The following ZDHHC2 variants were observed in gnomAD, a reference collection of about 807,000 sequenced individuals.
ZDHHC2 encodes zDHHC palmitoyltransferase 2.
ZDHHC2 carries 51 observed loss-of-function variants against 55.6 expected under a neutral mutation model. The observed-to-expected ratio is 0.92, with a 90% CI of 0.73 to 1.16. The LOEUF is 1.16. ZDHHC2 is among the 50% of genes most tolerant of loss of function. The pLI, the probability that ZDHHC2 is intolerant of heterozygous loss-of-function variation, is 0.00. For synonymous variants in ZDHHC2, 199 were observed against 152.9 expected (o/e 1.30, Z -2.22); for missense variants, 491 against 442.4 (o/e 1.11, Z -0.99).
chr8:17,195,426 T>C, intron 3 of ZDHHC2, 78 bp from the exon 4 acceptor site: 2 of 1,451,426 alleles, frequency 1.4e-6, no homozygotes, highest in South Asian at 1.3e-5. Context: ...TAAATACCCT[T>C]TTCCGGGTAT....
intron 3 of ZDHHC2, among the ~76,000 whole-genome samples, chr8:17,192,137 C>G (rs1414446297): frequency 2.0e-5 from 3 of 152,110 alleles, no homozygotes; most frequent in Non-Finnish European, 4.4e-5. Context: ...GCATGCATCA[C>G]CACGCCTATC....
In ZDHHC2 at chr8:17,197,591, A is replaced by G. The variant is rs749212242; in HGVS notation, c.383A>G (p.Tyr128Cys). 8.1e-6 allele frequency: 13 copies of G among 1,613,700 alleles called. No homozygotes were observed. The highest frequency in any genetic ancestry group is 1.3e-5 in the African/African-American group (1 of 75,040). The change falls in exon 5 of 13, where the codon TAC becomes TGC. Residue 128 changes from tyrosine to cysteine, a missense_variant. Physicochemically the swap from Tyr to Cys is radical, Grantham distance 194. Coordinates refer to ENST00000262096, the MANE Select transcript of ZDHHC2 (RefSeq NM_016353.5). ...AGCTTTTTGTCCCTAGCCATCCGAT[A>G]CTGTGACAGATGCCAACTTATAAAA... ...YTRTMSGAIRYCDRCQLIKPD... is the reference protein window; with the variant it reads ...YTRTMSGAIRCCDRCQLIKPD...
chr8:17,206,042 T>C (rs966907269), intron 7 of ZDHHC2, among the ~76,000 whole-genome samples: 18 of 152,142 alleles, frequency 1.2e-4, no homozygotes, highest in Admixed American at 2.6e-4. Flanking sequence ...CCAGTTGAGG[T>C]TGAACAAGAC....
intron 6 of ZDHHC2, among the ~76,000 whole-genome samples, chr8:17,204,667 G>A (rs184881541): frequency 7.2e-5 from 11 of 152,250 alleles, no homozygotes; most frequent in Admixed American, 5.9e-4. Flanking sequence ...GGAGGGAGGA[G>A]GGTGGGAGGA....
intron 2 of ZDHHC2, among the ~76,000 whole-genome samples, chr8:17,185,421 C>T (rs1443593452): frequency 2.0e-5 from 3 of 151,940 alleles, no homozygotes; most frequent in African/African-American, 7.3e-5. Context: ...CCTTGGGAGG[C>T]CAAAGCGGGC....
intron 2 of ZDHHC2, among the ~76,000 whole-genome samples, chr8:17,185,148 C>T (rs1377084079): frequency 6.6e-6 from 1 of 152,206 alleles, no homozygotes; most frequent in Non-Finnish European, 1.5e-5. Context: ...AGTCATCTCA[C>T]ACCGATTTAA....
At chr8:17,198,770 T>C (rs922884542) in intron 6 of ZDHHC2, among the ~76,000 whole-genome samples, 1 of 152,242 alleles carries the variant, frequency 6.6e-6, no homozygotes, top group Non-Finnish European at 1.5e-5. Context: ...GGAAGGTTTT[T>C]ATAAAGAATT....
In ZDHHC2 at chr8:17,194,562, A is replaced by G. The variant is rs538363750; in HGVS notation, c.253-942A>G. On this transcript the variant is annotated intron_variant, in intron 3 of 12. Transcript: ENST00000262096. ...TCTTTCTTCTTTATAATTTTATCAC[A>G]TGTGCATGTATCTCTCAACAACAGT... 3.8e-4 allele frequency among the ~76,000 whole-genome samples: 58 copies of G among 151,942 alleles called. No homozygotes were observed. In the Middle Eastern group the frequency reaches 0.02, roughly 53 times the overall value.
rs190203871 is a variant in ZDHHC2, at chr8:17,205,845, A to T, written c.597+70A>T. 8.2e-5 allele frequency: 117 copies of T among 1,427,280 alleles called. No homozygotes were observed. In the East Asian group the frequency reaches 2.9e-3, roughly 35 times the overall value. 88.4% of individuals were successfully genotyped at this position (1,427,280 alleles called of 1,614,324 possible). A position where few individuals can be genotyped will look rare whatever the true frequency, so the allele number is the denominator to read the frequency against. On this transcript the variant is annotated intron_variant, in intron 7 of 12. Coordinates refer to ENST00000262096, the MANE Select transcript of ZDHHC2 (RefSeq NM_016353.5). ...GATAATATAGGCTTTTCAGAACAGA[A>T]TTATTTCCGACACTGACTTTATAGA...
intron 7 of ZDHHC2, among the ~76,000 whole-genome samples, chr8:17,207,567 A>G (rs1807163815): frequency 6.6e-6 from 1 of 152,170 alleles, no homozygotes; most frequent in Non-Finnish European, 1.5e-5. Context: ...TGGCATTATA[A>G]TGAAACTATT....
intron 6 of ZDHHC2, among the ~76,000 whole-genome samples, chr8:17,199,503 T>TTCTTCTTCG (rs1806536137): frequency 3.2e-5 from 2 of 63,158 alleles, no homozygotes; most frequent in African/African-American, 9.5e-5. Flanking sequence ...CTTCTTCTTC[T>TTCTTCTTCG]TCTTCTTCTT....
intron 5 of ZDHHC2, 50 bp from the exon 6 acceptor site, chr8:17,198,331 G>A: frequency 6.7e-7 from 1 of 1,498,512 alleles, no homozygotes; most frequent in Non-Finnish European, 9.0e-7. Flanking sequence ...AATTTAATAT[G>A]ATTAAAATTT....
intron 6 of ZDHHC2, among the ~76,000 whole-genome samples, chr8:17,202,648 G>A (rs868707427): frequency 1.3e-5 from 2 of 151,860 alleles, no homozygotes; most frequent in African/African-American, 2.4e-5. Context: ...CAGTTAAAAT[G>A]TCTAGCCAAA....
intron 6 of ZDHHC2, among the ~76,000 whole-genome samples, 181 bp downstream of exon 6, chr8:17,198,594 A>G (rs899287703): frequency 2.6e-5 from 4 of 152,228 alleles, no homozygotes; most frequent in African/African-American, 4.8e-5. Flanking sequence ...GGGAGTTTCC[A>G]TGAAATACTT....
At chr8:17,190,373 G>A (rs1418022269) in intron 3 of ZDHHC2, among the ~76,000 whole-genome samples, 2 of 152,162 alleles carry the variant, frequency 1.3e-5, no homozygotes, top group African/African-American at 2.4e-5. Flanking sequence ...GGAGACCACT[G>A]TTAGGAAGAA....
Position 17,221,319 on chromosome 8 carries a change from AAGT to A in ZDHHC2, c.*1099_*1101del, listed in dbSNP as rs1159282888. On this transcript the variant is annotated 3_prime_UTR_variant, in exon 13 of 13. Transcript: ENST00000262096. ...TGGAAATTTAGTTTGAGATAAACTA[AAGT>A]GTGTTGATGCCAGAATGTTCAGCTT... 6.5e-6 allele frequency: 1 copy of A among 152,672 alleles called. No homozygotes were observed. Among genetic ancestry groups the A allele is most frequent in the East Asian group, 1.9e-4 (1 of 5,186 alleles). The allele number at this position is 152,672 out of a possible 1,614,324, so 9.5% of individuals were successfully genotyped here.
chr8:17,163,182 G>A (rs1318893973), intron 1 of ZDHHC2, among the ~76,000 whole-genome samples: 2 of 152,220 alleles, frequency 1.3e-5, no homozygotes, highest in Admixed American at 1.3e-4. Context: ...AAGCGGAGCT[G>A]ACGTTGCACC....
At chr8:17,199,695 C>CT (rs1348213463) in intron 6 of ZDHHC2, among the ~76,000 whole-genome samples, 4 of 147,922 alleles carry the variant, frequency 2.7e-5, no homozygotes, top group African/African-American at 7.5e-5. Flanking sequence ...TTTCTTCTTT[C>CT]TCCTTCTTCC....
intron 5 of ZDHHC2, among the ~76,000 whole-genome samples, chr8:17,197,888 T>A (rs2150925300): frequency 6.6e-6 from 1 of 152,338 alleles, no homozygotes; most frequent in African/African-American, 2.4e-5. Context: ...TTTTTAGCAG[T>A]TCTGACTTGG....
Sources: allele counts gnomAD v4.1 joint callset (sites outside exome capture counted in the v4.1 genomes callset), GRCh38; gene constraint gnomAD v4.1.1; transcripts MANE v1.5; gene names NCBI Gene and HGNC (gene_info 2026-07-23, HGNC 2026-07-21).